The following MAP2 variants were observed in gnomAD, a reference collection of about 807,000 sequenced individuals.
The protein encoded by MAP2 is microtubule-associated protein 2.
In MAP2, 14 loss-of-function variants were observed where a neutral mutation model predicts 137.6. That is an observed-to-expected ratio of 0.10 (90% CI 0.07 to 0.16). The LOEUF (loss-of-function observed/expected upper bound fraction) is 0.16. Among genes scored for constraint, MAP2 ranks in the 10% least tolerant of loss-of-function variants. MAP2 has a pLI of 1.00. For synonymous variants in MAP2, 786 were observed against 782.3 expected (o/e 1.00, Z -0.08); for missense variants, 2,088 against 2,191.5 (o/e 0.95, Z 0.94).
intron 1 of MAP2, among the ~76,000 whole-genome samples, chr2:209,458,791 GC>G (rs1218258408): frequency 6.6e-6 from 1 of 152,116 alleles, no homozygotes; most frequent in Non-Finnish European, 1.5e-5. Context: ...CCCTCCACCT[GC>G]CTGAGAAGCA....
At chr2:209,611,381 A>C (rs2086807709) in intron 3 of MAP2, among the ~76,000 whole-genome samples, 1 of 152,078 alleles carries the variant, frequency 6.6e-6, no homozygotes, top group African/African-American at 2.4e-5. Context: ...ATAGTAAATA[A>C]CAACATTCTT....
chr2:209,450,656 C>T (rs1241781940), intron 1 of MAP2, among the ~76,000 whole-genome samples: 1 of 152,158 alleles, frequency 6.6e-6, no homozygotes, highest in African/African-American at 2.4e-5. Flanking sequence ...ATGTCTTACA[C>T]TTCTTCAGTA....
At chr2:209,564,485 C>T (rs2072927093) in intron 2 of MAP2, among the ~76,000 whole-genome samples, 1 of 148,956 alleles carries the variant, frequency 6.7e-6, no homozygotes, top group South Asian at 2.2e-4. Context: ...TGATGGCTTA[C>T]CTCTAGACTT....
chr2:209,523,789 A>G (rs1033326476), intron 2 of MAP2, among the ~76,000 whole-genome samples: 14 of 152,140 alleles, frequency 9.2e-5, no homozygotes, highest in African/African-American at 3.1e-4. Flanking sequence ...TGTCTTTTAT[A>G]TATTCAGTGT....
At chr2:209,655,855 T>C (rs2095107242) in intron 5 of MAP2, among the ~76,000 whole-genome samples, 1 of 152,242 alleles carries the variant, frequency 6.6e-6, no homozygotes, top group Non-Finnish European at 1.5e-5. Context: ...AGCTATATGT[T>C]GTAATATCCA....
chr2:209,583,672 T>C (rs2153410815), intron 3 of MAP2, among the ~76,000 whole-genome samples: 1 of 152,148 alleles, frequency 6.6e-6, no homozygotes, highest in Non-Finnish European at 1.5e-5. Context: ...CAAAGGAGTA[T>C]TTACAGGAGA....
intron 1 of MAP2, among the ~76,000 whole-genome samples, chr2:209,453,970 T>C (rs945830760): frequency 3.3e-5 from 5 of 151,784 alleles, no homozygotes; most frequent in Admixed American, 1.3e-4. Flanking sequence ...GCTAACACAG[T>C]GAAACCCCAT....
At chr2:209,657,150 C>T (rs2041325996) in intron 5 of MAP2, among the ~76,000 whole-genome samples, 1 of 152,118 alleles carries the variant, frequency 6.6e-6, no homozygotes, top group Non-Finnish European at 1.5e-5. Context: ...CGTATATCTA[C>T]ACTACATTTT....
chr2:209,480,210 A>G (rs1325479098), intron 1 of MAP2, among the ~76,000 whole-genome samples: 1 of 152,156 alleles, frequency 6.6e-6, no homozygotes, highest in Non-Finnish European at 1.5e-5. Flanking sequence ...GGTCTTTCTT[A>G]GGAGAGTGAC....
At chr2:209,605,732 G>T (rs1356307936) in intron 3 of MAP2, among the ~76,000 whole-genome samples, 2 of 152,152 alleles carry the variant, frequency 1.3e-5, no homozygotes, top group Non-Finnish European at 2.9e-5. Flanking sequence ...TTGTTAAAGT[G>T]AATATTGTGC....
At chr2:209,512,573 A>G (rs940505340) in intron 2 of MAP2, among the ~76,000 whole-genome samples, 11 of 123,432 alleles carry the variant, frequency 8.9e-5, no homozygotes, top group Non-Finnish European at 1.6e-4. Flanking sequence ...ACACACACAC[A>G]CACACACACA....
At chr2:209,569,334 A>G (rs886066194) in intron 2 of MAP2, among the ~76,000 whole-genome samples, 2 of 151,792 alleles carry the variant, frequency 1.3e-5, no homozygotes, top group South Asian at 4.1e-4. Context: ...GTGTTCATGC[A>G]TGCATGAATG....
chr2:209,724,581 T>C (rs1198610721), intron 13 of MAP2, among the ~76,000 whole-genome samples: 1 of 147,486 alleles, frequency 6.8e-6, no homozygotes, highest in Non-Finnish European at 1.5e-5. Flanking sequence ...AATCAAGCAG[T>C]GAAGAGAGAG....
chr2:209,675,092 A>G (rs1191622776), intron 5 of MAP2, among the ~76,000 whole-genome samples: 1 of 151,860 alleles, frequency 6.6e-6, no homozygotes. Flanking sequence ...GCCCTATTTG[A>G]AAAAGTTTAA....
At chr2:209,453,199 G>A (rs973800636) in intron 1 of MAP2, among the ~76,000 whole-genome samples, 5 of 151,980 alleles carry the variant, frequency 3.3e-5, no homozygotes, top group Non-Finnish European at 7.4e-5. Flanking sequence ...TAAGTGTAGC[G>A]ATGTTGTTGT....
At chr2:209,727,226 G>A (rs753281709) in intron 14 of MAP2, among the ~76,000 whole-genome samples, 1 of 152,322 alleles carries the variant, frequency 6.6e-6, no homozygotes, top group South Asian at 2.1e-4. Context: ...CAGCAGGAAG[G>A]TTGTCCCATA....
chr2:209,513,547 C>T (rs78169392), intron 2 of MAP2, among the ~76,000 whole-genome samples: 8,792 of 118,954 alleles, frequency 0.074, 286 homozygotes, highest in South Asian at 0.12. Flanking sequence ...TATAGAGCTA[C>T]ATATATGTGC....
At chr2:209,495,592 GGA>G (rs1256497163) in intron 1 of MAP2, among the ~76,000 whole-genome samples, 1 of 152,164 alleles carries the variant, frequency 6.6e-6, no homozygotes, top group Non-Finnish European at 1.5e-5. Context: ...TGCAGAAGAG[GGA>G]CCTGACTGTC....
intron 1 of MAP2, among the ~76,000 whole-genome samples, chr2:209,472,971 G>A (rs1706164341): frequency 1.3e-5 from 2 of 152,122 alleles, no homozygotes; most frequent in South Asian, 2.1e-4. Context: ...ATATTTATTG[G>A]TTTTACATTC....
Sources: gnomAD v4.1 joint callset for allele counts (sites outside exome capture counted in the v4.1 genomes callset) on GRCh38, gnomAD v4.1.1 for gene constraint, MANE v1.5 for transcripts, NCBI Gene and HGNC (gene_info 2026-07-23, HGNC 2026-07-21) for gene names.